The following SATB1 variants were observed in gnomAD, a reference collection of about 807,000 sequenced individuals.
The protein encoded by SATB1 is SATB homeobox 1.
In SATB1, 11 loss-of-function variants were observed where a neutral mutation model predicts 86.9. That is an observed-to-expected ratio of 0.13 (90% CI 0.08 to 0.21). SATB1 has a LOEUF of 0.21. Among genes scored for constraint, SATB1 ranks in the 10% least tolerant of loss-of-function variants. The pLI is 1.00. For missense variants in SATB1, 551 were observed against 937.6 expected (o/e 0.59, Z 5.39); for synonymous variants, 357 against 357.2 (o/e 1.00, Z 0.01).
upstream of SATB1, among the ~76,000 whole-genome samples, chr3:18,441,883 G>A (rs1052516900): frequency 1.1e-4 from 17 of 151,968 alleles, no homozygotes; most frequent in Non-Finnish European, 2.4e-4. Context: ...TTAATCACAG[G>A]TTCATATAGC....
At chr3:18,395,059 C>A in intron 6 of SATB1, 143 bp from the exon 7 acceptor site, 2 of 643,660 alleles carry the variant, frequency 3.1e-6, no homozygotes, top group Non-Finnish European at 5.2e-6. Flanking sequence ...CAAGTTGCAA[C>A]TTACCAGGCT....
At chr3:18,366,438 CATCAATCAATCAATCAATCA>C (rs141494702) in intron 9 of SATB1, among the ~76,000 whole-genome samples, 7 of 151,134 alleles carry the variant, frequency 4.6e-5, no homozygotes, top group African/African-American at 1.5e-4. Context: ...AAAAAACTTC[CATCAATCAATCAATCAATCA>C]ATCAATCAAT....
chr3:18,376,721 C>G (rs1200414543), intron 9 of SATB1, among the ~76,000 whole-genome samples: 1 of 152,094 alleles, frequency 6.6e-6, no homozygotes, highest in Non-Finnish European at 1.5e-5. Flanking sequence ...CCTGTAATTT[C>G]CAATCAAAAT....
upstream of SATB1, among the ~76,000 whole-genome samples, chr3:18,439,464 C>T (rs1431006160): frequency 1.3e-5 from 2 of 151,648 alleles, no homozygotes; most frequent in Admixed American, 1.3e-4. Flanking sequence ...CAAAAGATAC[C>T]ATTGGCATAA....
Position 18,394,785 on chromosome 3 carries a change from A to G in SATB1, c.883T>C (p.Ser295Pro). ...AGGTTTGGAAGAGGTGTCCGGACAG[A>G]GGGCTGGCTGCCATGGGAGAGCTGC... is the stretch of plus-strand genomic sequence containing the variant. ...PAQLSHGSQP[S>P]VRTPLPNLHP... The change falls in exon 7 of 11, where the codon TCT (serine) becomes CCT (proline). Residue 295 changes from serine (S) to proline (P), a missense_variant. Coordinates refer to ENST00000338745, the MANE Select transcript of SATB1 (RefSeq NM_002971.6). The surrounding 1 kb of genome is among the most constrained non-coding windows in gnomAD (Gnocchi z 5.9). 1 of 1,614,112 alleles carries G rather than the reference A, an allele frequency of 6.2e-7. No individual in the cohort carries two copies. The highest frequency in any genetic ancestry group is 8.5e-7 in the Non-Finnish European group (1 of 1,180,022).
chr3:18,445,237 G>A (rs1178757518), intron 1 of SATB1: 6 of 981,662 alleles, frequency 6.1e-6, no homozygotes, highest in Non-Finnish European at 7.2e-6. Context: ...GGGAGCCTCG[G>A]CGGCCGCTGG....
rs1480623294 is a variant in SATB1 at position 18,386,439 on chromosome 3, G to A, written c.1379C>T (p.Pro460Leu). Residue 460 changes from proline to leucine, a missense_variant, in exon 8 of 11, where the codon CCT becomes CTT. Physicochemically the swap from Pro to Leu is moderately conservative, Grantham distance 98 (BLOSUM62 -3). Coordinates refer to ENST00000338745, the MANE Select transcript of SATB1 (RefSeq NM_002971.6). This position sits in a 1 kb window ranked among gnomAD's most constrained non-coding sequence, Gnocchi z 4.5. ...RSLNAASAMG[P>L]APLISTPPSR... Reference sequence around the variant, plus strand: ...GGGTGGTGTGCTGATGAGGGGGGCAGGACCCATGGCCGAGGCAGCATTCAA... The same window carrying A: ...GGGTGGTGTGCTGATGAGGGGGGCAAGACCCATGGCCGAGGCAGCATTCAA... The A allele has an allele frequency of 3.7e-6, 6 of 1,614,036 alleles. No homozygotes were observed. The Admixed American group carries it at 1.0e-4, about 27-fold the overall frequency.
intron 5 of SATB1, among the ~76,000 whole-genome samples, chr3:18,401,390 A>G (rs190710774): frequency 6.6e-5 from 10 of 152,202 alleles, no homozygotes; most frequent in Admixed American, 1.3e-4. Flanking sequence ...AATTTGCAAG[A>G]GATCCCTTCC....
At chr3:18,359,693 T>A (rs1271062990) in intron 9 of SATB1, among the ~76,000 whole-genome samples, 2 of 151,976 alleles carry the variant, frequency 1.3e-5, no homozygotes, top group African/African-American at 2.4e-5. Flanking sequence ...TAAGATATAT[T>A]TTTGACATTA....
chr3:18,369,628 G>C (rs1206409039), intron 9 of SATB1, among the ~76,000 whole-genome samples: 1 of 147,084 alleles, frequency 6.8e-6, no homozygotes, highest in Non-Finnish European at 1.5e-5. Context: ...TGGTTAAACT[G>C]TCTAATCGCC....
chr3:18,365,163 T>C (rs1695121531), intron 9 of SATB1, among the ~76,000 whole-genome samples: 1 of 152,228 alleles, frequency 6.6e-6, no homozygotes, highest in Non-Finnish European at 1.5e-5. Context: ...AGCACATATA[T>C]ACCTCATTGT....
At chr3:18,359,689 A>G (rs1694815635) in intron 9 of SATB1, among the ~76,000 whole-genome samples, 1 of 151,936 alleles carries the variant, frequency 6.6e-6, no homozygotes, top group African/African-American at 2.4e-5. Context: ...AGCCTAAGAT[A>G]TATTTTTGAC....
chr3:18,393,510 A>G (rs781138073), intron 7 of SATB1, among the ~76,000 whole-genome samples: 2 of 152,174 alleles, frequency 1.3e-5, no homozygotes, highest in Non-Finnish European at 2.9e-5. Context: ...CCTCTCATAT[A>G]TATCACTTTT....
chr3:18,417,341 C>T (rs1255905185), intron 2 of SATB1: 2 of 562,824 alleles, frequency 3.6e-6, no homozygotes, highest in Admixed American at 3.5e-5. Context: ...GTGCATTTTC[C>T]AAAAGCAATG....
chr3:18,407,331 T>C (rs865874450), intron 5 of SATB1, among the ~76,000 whole-genome samples: 1 of 152,100 alleles, frequency 6.6e-6, no homozygotes, highest in South Asian at 2.1e-4. Context: ...GATTGAGTTA[T>C]AATATAGTCT....
At chr3:18,353,814 T>A (rs1307878483) in intron 9 of SATB1, among the ~76,000 whole-genome samples, 2 of 152,252 alleles carry the variant, frequency 1.3e-5, no homozygotes, top group African/African-American at 4.8e-5. Context: ...TGACGACTGC[T>A]GTATCTCATG....
At chr3:18,398,230 A>G (rs1361810680) in intron 5 of SATB1, among the ~76,000 whole-genome samples, 2 of 152,160 alleles carry the variant, frequency 1.3e-5, no homozygotes, top group African/African-American at 4.8e-5. Flanking sequence ...ATCATTTTCA[A>G]TCTTCCCAGC....
intron 7 of SATB1, among the ~76,000 whole-genome samples, chr3:18,388,385 A>G (rs949905132): frequency 6.6e-6 from 1 of 152,118 alleles, no homozygotes; most frequent in Non-Finnish European, 1.5e-5. Flanking sequence ...ACTCCTCTCC[A>G]CCAAATGTTA....
chr3:18,442,984 G>A (rs932554995), upstream of SATB1, among the ~76,000 whole-genome samples: 5 of 151,996 alleles, frequency 3.3e-5, no homozygotes, highest in African/African-American at 9.7e-5. Flanking sequence ...GGAGATGAGA[G>A]GTTTTTAGAG....
Sources: allele counts gnomAD v4.1 joint callset (sites outside exome capture counted in the v4.1 genomes callset), GRCh38; gene constraint gnomAD v4.1.1; non-coding constraint Gnocchi (gnomAD v3.1); transcripts MANE v1.5; gene names NCBI Gene and HGNC (gene_info 2026-07-23, HGNC 2026-07-21).